The following PDE4B variants were observed in gnomAD, a reference collection of about 807,000 sequenced individuals.
The protein encoded by PDE4B is 3',5'-cyclic-AMP phosphodiesterase 4B.
Under a neutral mutation model 82.2 loss-of-function variants are expected in PDE4B, and 20 were observed. The ratio of observed to expected loss-of-function variants is 0.24; its 90% CI spans 0.17 to 0.35. The LOEUF (loss-of-function observed/expected upper bound fraction) is 0.35, where lower values mean the gene tolerates loss of function less well. PDE4B is among the 10% of genes least tolerant of loss of function. PDE4B has a pLI of 1.00. For synonymous variants in PDE4B, 320 were observed against 318.9 expected (o/e 1.00, Z -0.04); for missense variants, 655 against 907.2 (o/e 0.72, Z 3.57).
chr1:66,012,958 C>T (rs976845052), intron 3 of PDE4B, among the ~76,000 whole-genome samples: 3 of 151,964 alleles, frequency 2.0e-5, no homozygotes, highest in Admixed American at 1.3e-4. Flanking sequence ...ATTAGTATCC[C>T]CATCCAAGGA....
chr1:65,995,550 C>G (rs1244889870), intron 3 of PDE4B, among the ~76,000 whole-genome samples: 1 of 152,178 alleles, frequency 6.6e-6, no homozygotes, highest in Non-Finnish European at 1.5e-5. Context: ...TGCTCTACCT[C>G]CTGTCTCTAA....
intron 1 of PDE4B, among the ~76,000 whole-genome samples, chr1:65,847,506 T>A (rs906213432): frequency 2.1e-4 from 32 of 152,236 alleles, no homozygotes; most frequent in Admixed American, 6.5e-5. Flanking sequence ...TTGATGGGGC[T>A]ACCTCTTTCT....
chr1:66,305,385 G>A (rs1658197342), intron 7 of PDE4B, among the ~76,000 whole-genome samples: 1 of 152,014 alleles, frequency 6.6e-6, no homozygotes. Context: ...AGGGTTGTTA[G>A]ATAAAATATG....
intron 9 of PDE4B, among the ~76,000 whole-genome samples, chr1:66,358,254 C>T (rs896923684): frequency 2.0e-5 from 3 of 152,066 alleles, no homozygotes; most frequent in Non-Finnish European, 2.9e-5. Context: ...AATCCTTTAA[C>T]GAGGAAAGAA....
At chr1:66,187,387 G>A (rs928433462) in intron 3 of PDE4B, among the ~76,000 whole-genome samples, 2 of 152,074 alleles carry the variant, frequency 1.3e-5, no homozygotes, top group Non-Finnish European at 2.9e-5. Flanking sequence ...TCTGTTGATT[G>A]GAATAGTTTC....
At chr1:66,363,798 G>A (rs1426983989) in intron 12 of PDE4B, among the ~76,000 whole-genome samples, 3 of 151,948 alleles carry the variant, frequency 2.0e-5, no homozygotes, top group Non-Finnish European at 4.4e-5. Flanking sequence ...AATTTAAAAA[G>A]TGCCTTACAA....
chr1:65,993,597 T>G (rs1287476985), intron 3 of PDE4B, among the ~76,000 whole-genome samples: 3 of 152,186 alleles, frequency 2.0e-5, no homozygotes, highest in Non-Finnish European at 2.9e-5. Flanking sequence ...CTTAATGTAT[T>G]GTACCATCAT....
At chr1:66,331,553 G>A (rs1660109554) in intron 7 of PDE4B, among the ~76,000 whole-genome samples, 1 of 152,160 alleles carries the variant, frequency 6.6e-6, no homozygotes, top group African/African-American at 2.4e-5. Context: ...AAAAAAATGT[G>A]ATTTTCACAA....
intron 1 of PDE4B, among the ~76,000 whole-genome samples, chr1:65,844,145 A>T (rs1197461380): frequency 2.0e-5 from 3 of 152,166 alleles, no homozygotes; most frequent in Admixed American, 6.6e-5. Flanking sequence ...CTGACATCTG[A>T]CGCTTCTGAA....
chr1:66,001,462 C>T (rs953833632), intron 3 of PDE4B, among the ~76,000 whole-genome samples: 1 of 152,028 alleles, frequency 6.6e-6, no homozygotes, highest in African/African-American at 2.4e-5. Flanking sequence ...ACAATTCATC[C>T]GTGTTTTTGC....
chr1:66,275,215 C>G (rs1655792372), intron 7 of PDE4B, among the ~76,000 whole-genome samples: 1 of 152,146 alleles, frequency 6.6e-6, no homozygotes, highest in South Asian at 2.1e-4. Context: ...GACAGGATGC[C>G]ACTTTATATG....
intron 3 of PDE4B, among the ~76,000 whole-genome samples, chr1:65,942,423 G>A (rs757154798): frequency 6.6e-6 from 1 of 150,880 alleles, no homozygotes; most frequent in Admixed American, 6.6e-5. Flanking sequence ...TTCTTTCTCT[G>A]TTCATCCATT....
At chr1:65,832,355 A>T (rs1169685765) in intron 1 of PDE4B, among the ~76,000 whole-genome samples, 2 of 152,348 alleles carry the variant, frequency 1.3e-5, no homozygotes, top group Non-Finnish European at 2.9e-5. Context: ...AAAAAATGAT[A>T]TGCCTGCAAG....
At chr1:66,168,637 C>G (rs1646781416) in intron 3 of PDE4B, among the ~76,000 whole-genome samples, 1 of 152,116 alleles carries the variant, frequency 6.6e-6, no homozygotes, top group Non-Finnish European at 1.5e-5. Context: ...GTTGTAAGAA[C>G]TTTGGCTGTC....
chr1:66,064,080 T>G (rs1655719568), intron 3 of PDE4B, among the ~76,000 whole-genome samples: 3 of 152,000 alleles, frequency 2.0e-5, no homozygotes, highest in Admixed American at 2.0e-4. Context: ...GAACAAAAAC[T>G]GAGGTATGAT....
intron 1 of PDE4B, among the ~76,000 whole-genome samples, chr1:65,843,373 A>G (rs1646230742): frequency 6.6e-6 from 1 of 152,130 alleles, no homozygotes; most frequent in Non-Finnish European, 1.5e-5. Context: ...TCCAATACCT[A>G]TATGGCAAAC....
At chr1:66,193,808 T>G (rs531550680) in intron 3 of PDE4B, among the ~76,000 whole-genome samples, 2 of 152,216 alleles carry the variant, frequency 1.3e-5, no homozygotes, top group Admixed American at 1.3e-4. Flanking sequence ...GTACGTTAAG[T>G]ACACCATGGA....
intron 3 of PDE4B, among the ~76,000 whole-genome samples, chr1:66,064,640 C>T (rs1268221612): frequency 6.6e-6 from 1 of 151,880 alleles, no homozygotes; most frequent in African/African-American, 2.4e-5. Flanking sequence ...GGCTGTTTTC[C>T]TGGACTCTGA....
At chr1:66,017,562 T>C (rs990442013) in intron 3 of PDE4B, among the ~76,000 whole-genome samples, 1 of 152,218 alleles carries the variant, frequency 6.6e-6, no homozygotes, top group Non-Finnish European at 1.5e-5. Context: ...AATTCAACTT[T>C]CTTAGTTCTA....
Sources: allele counts gnomAD v4.1 joint callset (sites outside exome capture counted in the v4.1 genomes callset), GRCh38; gene constraint gnomAD v4.1.1; transcripts MANE v1.5; gene names NCBI Gene and HGNC (gene_info 2026-07-23, HGNC 2026-07-21).